Variants in PDE4B observed in about 807,000 individuals in gnomAD.
PDE4B encodes the protein 3',5'-cyclic-AMP phosphodiesterase 4B.
PDE4B carries 20 observed loss-of-function variants against 82.2 expected under a neutral mutation model. The observed-to-expected ratio is 0.24, with a 90% CI of 0.17 to 0.35. The LOEUF (loss-of-function observed/expected upper bound fraction) is 0.35. Ranked by LOEUF, PDE4B falls within the 10% of genes least tolerant of loss-of-function variation. The pLI is 1.00. For synonymous variants in PDE4B, 320 were observed against 318.9 expected (o/e 1.00, Z -0.04); for missense variants, 655 against 907.2 (o/e 0.72, Z 3.57).
intron 1 of PDE4B, among the ~76,000 whole-genome samples, chr1:65,901,147 G>C (rs1021581214): frequency 6.6e-6 from 1 of 151,936 alleles, no homozygotes; most frequent in African/African-American, 2.4e-5. Flanking sequence ...CTAATATGTT[G>C]AGAGTTTTTT....
Position 66,079,166 on chromosome 1 carries a change from T to TTCTCTCTC in PDE4B, c.281+160359_281+160366dup, listed in dbSNP as rs148765561. 1.0e-2 allele frequency among the ~76,000 whole-genome samples: 1,421 copies of TTCTCTCTC among 142,234 alleles called. 16 individuals are homozygous for TTCTCTCTC. Among genetic ancestry groups the TTCTCTCTC allele is most frequent in the East Asian group, 0.028 (133 of 4,732 alleles). 93.3% of individuals were successfully genotyped at this position (142,234 alleles called of 152,430 possible). ...CGGTTTCTGTCTCTCCCTGCTTCTT[T>TTCTCTCTC]TCTCTCTCTCTCTCTCTCTCTCTCT... On this transcript the variant is annotated intron_variant, in intron 3 of 16. Transcript: ENST00000341517.
intron 3 of PDE4B, among the ~76,000 whole-genome samples, chr1:66,230,272 G>A (rs1269941089): frequency 6.6e-6 from 1 of 152,184 alleles, no homozygotes; most frequent in Non-Finnish European, 1.5e-5. Context: ...TAAAGCTCTA[G>A]GAGAGCGTGT....
intron 3 of PDE4B, among the ~76,000 whole-genome samples, chr1:66,008,366 G>C (rs1201555159): frequency 1.3e-5 from 2 of 152,028 alleles, no homozygotes; most frequent in African/African-American, 2.4e-5. Context: ...GCTTGATTGT[G>C]CCCATTTCCT....
intron 3 of PDE4B, among the ~76,000 whole-genome samples, chr1:65,955,903 G>T (rs1649234657): frequency 6.6e-6 from 1 of 151,946 alleles, no homozygotes; most frequent in Admixed American, 6.6e-5. Context: ...CTGAAATATG[G>T]GATAATAAGA....
At chr1:66,318,152 A>G (rs1659154164) in intron 7 of PDE4B, among the ~76,000 whole-genome samples, 1 of 152,190 alleles carries the variant, frequency 6.6e-6, no homozygotes, top group Admixed American at 6.5e-5. Context: ...AGACTGGTAT[A>G]GTGATGAATA....
chr1:66,182,317 T>C (rs1490602072), intron 3 of PDE4B, among the ~76,000 whole-genome samples: 1 of 152,182 alleles, frequency 6.6e-6, no homozygotes, highest in Non-Finnish European at 1.5e-5. Context: ...CATTTGGCTT[T>C]ATTATTGTTT....
At chr1:66,299,984 AT>A (rs1657771617) in intron 7 of PDE4B, among the ~76,000 whole-genome samples, 1 of 152,208 alleles carries the variant, frequency 6.6e-6, no homozygotes, top group East Asian at 1.9e-4. Context: ...TGAATTAATA[AT>A]GGCATGAATA....
chr1:66,250,011 A>G (rs1653627783), intron 4 of PDE4B, among the ~76,000 whole-genome samples: 1 of 152,252 alleles, frequency 6.6e-6, no homozygotes, highest in Non-Finnish European at 1.5e-5. Flanking sequence ...ATTTCACAAC[A>G]CGCTGAGAAG....
chr1:66,330,747 G>A, intron 7 of PDE4B: 1 of 984,932 alleles, frequency 1.0e-6, no homozygotes, highest in Non-Finnish European at 1.2e-6. Context: ...AACAGAGGAG[G>A]CAAGGGGTTG....
At chr1:65,962,758 A>G (rs1489622111) in intron 3 of PDE4B, among the ~76,000 whole-genome samples, 1 of 152,176 alleles carries the variant, frequency 6.6e-6, no homozygotes, top group Non-Finnish European at 1.5e-5. Flanking sequence ...TTTAGGCCTC[A>G]CGAGGCAGGT....
intron 1 of PDE4B, among the ~76,000 whole-genome samples, chr1:65,881,944 G>A (rs943767474): frequency 6.6e-6 from 1 of 152,142 alleles, no homozygotes; most frequent in Non-Finnish European, 1.5e-5. Context: ...GATCTAATAA[G>A]TGCTTTCCTG....
chr1:66,372,398 C>T lies in PDE4B; in HGVS notation c.1931C>T (p.Thr644Ile). The stretch of plus-strand genomic sequence containing the variant: ...CCTGATGCTCAGGACATTCTCGATA[C>T]CTTAGAAGATAACAGGAACTGGTAT... ...VQPDAQDILD[T>I]LEDNRNWYQS... The change falls in exon 17 of 17, where the codon ACC becomes ATC. Residue 644 changes from threonine to isoleucine, a missense_variant. This residue lies in a region of PDE4B where 119 missense variants were observed against 115.2 expected (regional missense o/e 1.03). Transcript: ENST00000341517. 6.2e-7 allele frequency: 1 copy of T among 1,614,052 alleles called. No homozygotes were observed.
intron 4 of PDE4B, among the ~76,000 whole-genome samples, chr1:66,255,940 C>T (rs1246150594): frequency 6.6e-6 from 1 of 152,112 alleles, no homozygotes; most frequent in Non-Finnish European, 1.5e-5. Context: ...CAAAGTGGGC[C>T]GATTGCTTGA....
chr1:65,837,417 CAG>C (rs1320762597), intron 1 of PDE4B, among the ~76,000 whole-genome samples: 2 of 151,912 alleles, frequency 1.3e-5, no homozygotes, highest in African/African-American at 4.8e-5. Flanking sequence ...ACTAAAGAGA[CAG>C]GGGCAAAACT....
chr1:65,896,784 T>C (rs188623982), intron 1 of PDE4B, among the ~76,000 whole-genome samples: 1 of 152,330 alleles, frequency 6.6e-6, no homozygotes, highest in Admixed American at 6.5e-5. Context: ...TTGTGGTGAT[T>C]GTAATGTTTA....
intron 3 of PDE4B, among the ~76,000 whole-genome samples, chr1:65,935,024 A>G (rs1648049543): frequency 6.6e-6 from 1 of 152,222 alleles, no homozygotes; most frequent in South Asian, 2.1e-4. Context: ...TAACATACAT[A>G]TATAAAATAT....
intron 3 of PDE4B, among the ~76,000 whole-genome samples, chr1:66,026,840 A>G (rs1380024872): frequency 6.6e-6 from 1 of 152,162 alleles, no homozygotes; most frequent in African/African-American, 2.4e-5. Flanking sequence ...ACCTCAACAA[A>G]CCAACCAATT....
chr1:65,965,348 G>T (rs1649762488), intron 3 of PDE4B, among the ~76,000 whole-genome samples: 1 of 152,030 alleles, frequency 6.6e-6, no homozygotes, highest in Non-Finnish European at 1.5e-5. Context: ...ATTGGTGCAG[G>T]ATCCTATTCT....
intron 3 of PDE4B, among the ~76,000 whole-genome samples, chr1:65,993,316 T>C (rs1651350234): frequency 6.6e-6 from 1 of 152,208 alleles, no homozygotes; most frequent in Non-Finnish European, 1.5e-5. Flanking sequence ...GTGTGCTAAA[T>C]TGTCATTGTG....
Sources: gnomAD v4.1 joint callset for allele counts (sites outside exome capture counted in the v4.1 genomes callset) on GRCh38, gnomAD v4.1.1 for gene constraint, gnomAD v4.1.1 regional missense constraint, MANE v1.5 for transcripts, NCBI Gene and HGNC (gene_info 2026-07-23, HGNC 2026-07-21) for gene names.